The following C3orf70 variants were observed in gnomAD, a reference collection of about 807,000 sequenced individuals.
C3orf70 encodes chromosome 3 open reading frame 70.
In C3orf70, 15 loss-of-function variants were observed where a neutral mutation model predicts 20.7. That is an observed-to-expected ratio of 0.72 (90% CI 0.48 to 1.11). C3orf70 has a LOEUF of 1.11. C3orf70 is among the 50% of genes most tolerant of loss of function. The pLI is 0.00. For synonymous variants in C3orf70, 161 were observed against 125.7 expected, an observed-to-expected ratio of 1.28 and a Z score of -1.88; for missense variants, 332 against 317.6, an observed-to-expected ratio of 1.05 and a Z score of -0.34.
intron 1 of C3orf70, among the ~76,000 whole-genome samples, chr3:185,152,127 T>C (rs1271305121): frequency 6.6e-6 from 1 of 152,054 alleles, no homozygotes; most frequent in Non-Finnish European, 1.5e-5. Flanking sequence ...TTGGGTACAA[T>C]CAAGGGGGAA....
rs187374716 is a variant in C3orf70 at position 185,082,221 on chromosome 3, C to T, written c.*786G>A. On this transcript the variant is annotated 3_prime_UTR_variant, in exon 2 of 2. Transcript: ENST00000335012. ...TGGGTTCCCAGAGCTTTTTGGGTGC[C>T]ATGAGTTGAATGTGTCATATATAGG... is the stretch of plus-strand genomic sequence containing the variant. The T allele has an allele frequency of 6.6e-5, 10 of 152,234 alleles. No individual in the cohort carries two copies. The highest frequency in any genetic ancestry group is 5.9e-4 in the Admixed American group (9 of 15,296). 9.4% of individuals were successfully genotyped at this position (152,234 alleles called of 1,614,324 possible). A position where few individuals can be genotyped will look rare whatever the true frequency, so the allele number is the denominator to read the frequency against.
rs371956725 is a variant in C3orf70 at position 185,102,174 on chromosome 3, A to G, written c.197-18611T>C. ...CGATCCTATATCTAGAAAACCCCAC[A>G]GTCTCGGCCCAAAAGCTCCTTCAGC... On this transcript the variant is annotated intron_variant, in intron 1 of 1. Coordinates refer to ENST00000335012, the MANE Select transcript of C3orf70 (RefSeq NM_001025266.3). Among the ~76,000 whole-genome samples, 20 of 152,330 alleles carry G rather than the reference A, an allele frequency of 1.3e-4. 1 individual carries two copies. Among genetic ancestry groups the G allele is most frequent in the Admixed American group, 9.2e-4 (14 of 15,294 alleles).
At chr3:185,089,095 G>A (rs188710011) in intron 1 of C3orf70, among the ~76,000 whole-genome samples, 34 of 152,250 alleles carry the variant, frequency 2.2e-4, no homozygotes, top group African/African-American at 5.8e-4. Context: ...AGATGCCCAC[G>A]AAAGAACACC....
At chr3:185,131,259 T>A (rs889209115) in intron 1 of C3orf70, among the ~76,000 whole-genome samples, 3 of 152,228 alleles carry the variant, frequency 2.0e-5, no homozygotes, top group Non-Finnish European at 4.4e-5. Flanking sequence ...ATCAAACTAA[T>A]TTTACAGAAG....
At chr3:185,127,582 G>T (rs1217274784) in intron 1 of C3orf70, among the ~76,000 whole-genome samples, 2 of 152,104 alleles carry the variant, frequency 1.3e-5, no homozygotes, top group African/African-American at 2.4e-5. Context: ...TGGGATTACA[G>T]GCACATGCCA....
intron 1 of C3orf70, among the ~76,000 whole-genome samples, chr3:185,139,724 A>G (rs540812174): frequency 2.9e-4 from 44 of 152,266 alleles, no homozygotes; most frequent in Admixed American, 2.6e-3. Context: ...CAGCAACTCA[A>G]TGGTGGAATG....
intron 1 of C3orf70, among the ~76,000 whole-genome samples, chr3:185,118,958 T>C (rs1716237616): frequency 6.6e-6 from 1 of 152,224 alleles, no homozygotes. Flanking sequence ...ATGGTAATGA[T>C]GTCTGTAAAT....
intron 1 of C3orf70, among the ~76,000 whole-genome samples, chr3:185,097,321 G>A (rs1715729955): frequency 6.6e-6 from 1 of 152,158 alleles, no homozygotes; most frequent in Admixed American, 6.5e-5. Flanking sequence ...AACGGAGGAA[G>A]ACTTTAGAAG....
At chr3:185,114,432 C>A (rs1160374873) in intron 1 of C3orf70, among the ~76,000 whole-genome samples, 2 of 152,136 alleles carry the variant, frequency 1.3e-5, no homozygotes, top group Non-Finnish European at 2.9e-5. Flanking sequence ...GAGTCCACAT[C>A]TTCAGTAAAT....
rs775453190 is a variant in C3orf70 at position 185,083,294 on chromosome 3, T to C, written c.466A>G (p.Arg156Gly). 3.1e-6 allele frequency: 5 copies of C among 1,614,244 alleles called. No individual in the cohort carries two copies. Among genetic ancestry groups the C allele is most frequent in the Non-Finnish European group, 4.2e-6 (5 of 1,180,046 alleles). Residue 156 changes from arginine to glycine, a missense_variant, in exon 2 of 2, where the codon AGA becomes GGA. Physicochemically the swap from Arg to Gly is moderately radical, Grantham distance 125. Transcript: ENST00000335012. Reference protein sequence around the residue: ...VQKQPAPHSHRMSPEEVSAHD... With the variant: ...VQKQPAPHSHGMSPEEVSAHD... ...GCAGAGACCTCCTCAGGGCTCATTC[T>C]GTGGGAATGTGGTGCCGGCTGCTTC...
chr3:185,126,915 T>C (rs1422773286), intron 1 of C3orf70, among the ~76,000 whole-genome samples: 1 of 152,158 alleles, frequency 6.6e-6, no homozygotes, highest in East Asian at 1.9e-4. Flanking sequence ...GCAATGATAA[T>C]CACGTGATAA....
intron 1 of C3orf70, among the ~76,000 whole-genome samples, chr3:185,118,847 T>C (rs994435004): frequency 6.6e-6 from 1 of 152,206 alleles, no homozygotes; most frequent in African/African-American, 2.4e-5. Context: ...CATTTTAAAA[T>C]AATATGATCT....
At chr3:185,122,031 G>A (rs577041234) in intron 1 of C3orf70, among the ~76,000 whole-genome samples, 113 of 151,688 alleles carry the variant, frequency 7.4e-4, no homozygotes, top group African/African-American at 2.6e-3. Context: ...CGCAGGAGGC[G>A]GAGCTTGCAG....
At chr3:185,104,135 T>G (rs530155382) in intron 1 of C3orf70, among the ~76,000 whole-genome samples, 14 of 152,304 alleles carry the variant, frequency 9.2e-5, no homozygotes, top group African/African-American at 3.1e-4. Flanking sequence ...GGCTCCCCCC[T>G]CCGCTGTGGA....
Position 185,081,264 on chromosome 3 carries a change from A to C in C3orf70, c.*1743T>G, listed in dbSNP as rs1715330371. 6.6e-6 allele frequency: 1 copy of C among 152,158 alleles called. No homozygotes were observed. The highest frequency in any genetic ancestry group is 1.5e-5 in the Non-Finnish European group (1 of 68,148). The allele number at this position is 152,158 out of a possible 1,614,324, so 9.4% of individuals were successfully genotyped here. A position where few individuals can be genotyped will look rare whatever the true frequency, so the allele number is the denominator to read the frequency against. Reference sequence around the variant, plus strand: ...CCCGTCTCTACTAAAAATACAAAAAATTAGCCAGGTGTGGTGGCACGTGCC... The same window carrying C: ...CCCGTCTCTACTAAAAATACAAAAACTTAGCCAGGTGTGGTGGCACGTGCC... On this transcript the variant is annotated 3_prime_UTR_variant, in exon 2 of 2. Coordinates refer to ENST00000335012, the MANE Select transcript of C3orf70 (RefSeq NM_001025266.3).
At chr3:185,152,389 T>A (rs557073989) in intron 1 of C3orf70, among the ~76,000 whole-genome samples, 107 of 152,252 alleles carry the variant, frequency 7.0e-4, no homozygotes, top group African/African-American at 2.5e-3. Context: ...TAGAAGTAGC[T>A]AAAGAAAGCG....
intron 1 of C3orf70, among the ~76,000 whole-genome samples, chr3:185,116,581 C>A (rs1716178299): frequency 6.6e-6 from 1 of 152,150 alleles, no homozygotes; most frequent in African/African-American, 2.4e-5. Flanking sequence ...GTTGTGACAA[C>A]CAAAAATGTT....
intron 1 of C3orf70, among the ~76,000 whole-genome samples, chr3:185,096,075 T>C (rs376356292): frequency 1.3e-5 from 2 of 152,232 alleles, no homozygotes; most frequent in African/African-American, 4.8e-5. Flanking sequence ...CACATTCAAG[T>C]ATCAATGAGC....
chr3:185,141,017 T>C (rs1163792334), intron 1 of C3orf70, among the ~76,000 whole-genome samples: 2 of 150,916 alleles, frequency 1.3e-5, no homozygotes. Flanking sequence ...AAGTGCTCTA[T>C]CCCTCTTTCC....
Sources: allele counts gnomAD v4.1 joint callset (sites outside exome capture counted in the v4.1 genomes callset), GRCh38; gene constraint gnomAD v4.1.1; transcripts MANE v1.5; gene names NCBI Gene and HGNC (gene_info 2026-07-23, HGNC 2026-07-21).